The following AFG3L2 variants were observed in gnomAD, a reference collection of about 807,000 sequenced individuals.
AFG3L2 encodes AFG3 like matrix AAA peptidase subunit 2.
In AFG3L2, 54 loss-of-function variants were observed where a neutral mutation model predicts 94.5. The observed-to-expected ratio is 0.57, with a 90% CI of 0.46 to 0.72. The LOEUF (loss-of-function observed/expected upper bound fraction) is 0.72. Among genes scored for constraint, AFG3L2 ranks in the 30% least tolerant of loss-of-function variants. The pLI is 0.00. For synonymous variants in AFG3L2, 377 were observed against 365.5 expected (o/e 1.03, Z -0.36); for missense variants, 754 against 994.9 (o/e 0.76, Z 3.26).
intron 16 of AFG3L2, among the ~76,000 whole-genome samples, chr18:12,331,813 AT>A (rs1907537611): frequency 6.9e-3 from 21 of 3,022 alleles, no homozygotes; most frequent in African/African-American, 9.5e-3. Flanking sequence ...AAATAAATAT[AT>A]ATATATATAT....
chr18:12,372,039 C>T (rs1252046442), intron 1 of AFG3L2, among the ~76,000 whole-genome samples: 2 of 152,238 alleles, frequency 1.3e-5, no homozygotes, highest in African/African-American at 4.8e-5. Context: ...GGCGCAGTGG[C>T]TCACACCTGT....
At chr18:12,335,358 C>T (rs1465329449) in intron 16 of AFG3L2, among the ~76,000 whole-genome samples, 1 of 152,178 alleles carries the variant, frequency 6.6e-6, no homozygotes, top group Non-Finnish European at 1.5e-5. Flanking sequence ...CCCTCTACTC[C>T]TCCTTTCACA....
At position 12,344,198 on chromosome 18, in the gene AFG3L2, C is replaced by T; in HGVS notation, c.1713G>A (p.Val571=). 6.2e-7 allele frequency: 1 copy of T among 1,614,186 alleles called. No homozygotes were observed. Among genetic ancestry groups the T allele is most frequent in the Non-Finnish European group, 8.5e-7 (1 of 1,180,040 alleles). Reference sequence around the variant, plus strand: ...CCGCATGGCCTGCTTCGTGGTATGCCACAGTCTTCTTCTCCTCAGGCTGCA... The same window carrying T: ...CCGCATGGCCTGCTTCGTGGTATGCTACAGTCTTCTTCTCCTCAGGCTGCA... The part of the protein sequence containing the change: ...QVLQPEEKKT[V]AYHEAGHAVA... The change falls in exon 14 of 17, where the codon GTG becomes GTA. Residue 571 remains valine (V), a synonymous_variant. Transcript: ENST00000269143.
intron 12 of AFG3L2, among the ~76,000 whole-genome samples, chr18:12,349,657 A>ATGTTTT (rs1491553966): frequency 2.7e-5 from 4 of 148,742 alleles, no homozygotes; most frequent in Admixed American, 2.6e-4. Context: ...AAAAGACCAC[A>ATGTTTT]TGTTTTTATT....
At chr18:12,365,824 T>C (rs1306590002) in intron 5 of AFG3L2, among the ~76,000 whole-genome samples, 6 of 151,660 alleles carry the variant, frequency 4.0e-5, no homozygotes, top group Admixed American at 3.3e-4. Context: ...TCCCCAAGGC[T>C]ACACAGCAGG....
chr18:12,370,019 C>T (rs1042097047), intron 3 of AFG3L2, among the ~76,000 whole-genome samples: 1 of 144,092 alleles, frequency 6.9e-6, no homozygotes, highest in African/African-American at 2.6e-5. Context: ...CATGCCACTG[C>T]ACTCCAGCCT....
intron 9 of AFG3L2, 89 bp from the exon 10 acceptor site, chr18:12,353,247 G>A (rs1908379045): frequency 1.3e-5 from 19 of 1,495,014 alleles, no homozygotes; most frequent in Non-Finnish European, 1.6e-5. Flanking sequence ...GGGCACAGTG[G>A]CTCATGCCTG....
chr18:12,373,562 T>C (rs141694319), intron 1 of AFG3L2, among the ~76,000 whole-genome samples: 4 of 152,318 alleles, frequency 2.6e-5, no homozygotes, highest in Middle Eastern at 3.4e-3. Context: ...GTCTTAGTCC[T>C]TTCTGTTCCG....
chr18:12,352,396 C>G (rs565477872), intron 10 of AFG3L2, among the ~76,000 whole-genome samples: 2 of 152,188 alleles, frequency 1.3e-5, no homozygotes, highest in Non-Finnish European at 2.9e-5. Context: ...AACCAAGCAT[C>G]CACATTTTTA....
chr18:12,337,485 G>A lies in AFG3L2; in HGVS notation c.2031C>T (p.Leu677=), dbSNP rs1907787652. The part of the protein sequence containing the change: ...NEKVGQISFD[L]PRQGDMVLEK... ...CCAATACCATGTCCCCCTGACGTGG[G>A]AGGTCAAAGGAGATTTGCCCAACCT... Residue 677 remains leucine (L), a synonymous_variant, in exon 16 of 17, where the codon CTC becomes CTT. Transcript: ENST00000269143. The A allele has an allele frequency of 6.2e-7, 1 of 1,614,202 alleles. No individual in the cohort carries two copies.
chr18:12,357,010 C>G (rs1908517640), intron 8 of AFG3L2, among the ~76,000 whole-genome samples, 179 bp from the exon 9 acceptor site: 1 of 151,990 alleles, frequency 6.6e-6, no homozygotes, highest in Admixed American at 6.6e-5. Flanking sequence ...AAAAGATTAT[C>G]AAAAATAATT....
In AFG3L2 at chr18:12,348,092, A is replaced by G. The variant is rs73398089; in HGVS notation, c.1663+181T>C. On this transcript the variant is annotated intron_variant, in intron 13 of 16. Coordinates refer to ENST00000269143, the MANE Select transcript of AFG3L2 (RefSeq NM_006796.3). ...GGTGGCAGGGGACGGTGGCAGGAAGAAGGAGGAGAGGGAGGAGAGGCATGG... is the reference window on the plus strand; with the variant it reads ...GGTGGCAGGGGACGGTGGCAGGAAGGAGGAGGAGAGGGAGGAGAGGCATGG... Among the ~76,000 whole-genome samples, 3,939 of 152,258 alleles carry G rather than the reference A, an allele frequency of 0.026. 157 individuals carry two copies. The highest frequency in any genetic ancestry group is 0.09 in the African/African-American group (3,738 of 41,546).
chr18:12,340,872 C>G (rs1415843832), intron 14 of AFG3L2: 2 of 164,402 alleles, frequency 1.2e-5, no homozygotes, highest in Non-Finnish European at 2.7e-5. Flanking sequence ...GGATTACAGG[C>G]GTGAGCTACC....
Position 12,332,173 on chromosome 18 carries a change from G to A in AFG3L2, c.2176-2390C>T, listed in dbSNP as rs1313721540. 3.4e-5 allele frequency among the ~76,000 whole-genome samples: 5 copies of A among 145,786 alleles called. No homozygotes were observed. In the East Asian group the frequency reaches 1.0e-3, roughly 29 times the overall value. ...GAGTCTTGTTCTGTCACCCAGGCTGGAGTACAATGGCGCGATGTTGGCTCA... is the reference window on the plus strand; with the variant it reads ...GAGTCTTGTTCTGTCACCCAGGCTGAAGTACAATGGCGCGATGTTGGCTCA... On this transcript the variant is annotated intron_variant, in intron 16 of 16. Coordinates refer to ENST00000269143, the MANE Select transcript of AFG3L2 (RefSeq NM_006796.3).
chr18:12,367,694 G>A (rs1908849820), intron 3 of AFG3L2, among the ~76,000 whole-genome samples: 1 of 152,204 alleles, frequency 6.6e-6, no homozygotes, highest in Non-Finnish European at 1.5e-5. Context: ...GGGTGGCAGT[G>A]TTAGGGGACA....
intron 12 of AFG3L2, among the ~76,000 whole-genome samples, chr18:12,349,511 G>A (rs933743659): frequency 6.6e-6 from 1 of 152,204 alleles, no homozygotes; most frequent in African/African-American, 2.4e-5. Flanking sequence ...GCCATCAACT[G>A]ATGGGTGGAT....
At chr18:12,337,800 T>C (rs1303303811) in intron 15 of AFG3L2, among the ~76,000 whole-genome samples, 1 of 152,172 alleles carries the variant, frequency 6.6e-6, no homozygotes, top group Non-Finnish European at 1.5e-5. Context: ...GACAGAGTCT[T>C]GGTCTGTTGC....
At chr18:12,373,907 C>T (rs983152014) in intron 1 of AFG3L2, among the ~76,000 whole-genome samples, 1 of 152,166 alleles carries the variant, frequency 6.6e-6, no homozygotes, top group Admixed American at 6.5e-5. Flanking sequence ...AAACACCTCC[C>T]ACTGGGCCCC....
At chr18:12,352,592 G>A (rs1431339167) in intron 10 of AFG3L2, among the ~76,000 whole-genome samples, 2 of 152,112 alleles carry the variant, frequency 1.3e-5, no homozygotes, top group Non-Finnish European at 2.9e-5. Context: ...AGAATGAGAT[G>A]GTAATTCTTT....
Sources: gnomAD v4.1 joint callset for allele counts (sites outside exome capture counted in the v4.1 genomes callset) on GRCh38, gnomAD v4.1.1 for gene constraint, MANE v1.5 for transcripts, NCBI Gene and HGNC (gene_info 2026-07-23, HGNC 2026-07-21) for gene names.